The following CD5 variants were observed in gnomAD, a reference collection of about 807,000 sequenced individuals.
CD5 encodes the protein T-cell surface glycoprotein CD5.
In CD5, 36 loss-of-function variants were observed where a neutral mutation model predicts 60.3. The ratio of observed to expected loss-of-function variants is 0.60; its 90% CI spans 0.46 to 0.79. CD5 has a LOEUF of 0.79. Ranked by LOEUF, CD5 falls within the 30% of genes least tolerant of loss-of-function variation. The pLI, the probability that CD5 is intolerant of heterozygous loss-of-function variation, is 0.00. For missense variants in CD5, 540 were observed against 630.6 expected (o/e 0.86, Z 1.54); for synonymous variants, 230 against 257.6 (o/e 0.89, Z 1.03).
chr11:61,125,291 C>T, intron 9 of CD5, 140 bp downstream of exon 9: 1 of 885,002 alleles, frequency 1.1e-6, no homozygotes, highest in South Asian at 1.6e-5. Context: ...TCAAACATCG[C>T]AGGATGCAGC....
chr11:61,095,493 C>A, the CD5 span, among the ~76,000 whole-genome samples: 462 of 152,316 alleles, frequency 3.0e-3, 3 homozygotes, highest in African/African-American at 0.011. Flanking sequence ...GACTCATAAT[C>A]CTACTTGGGC....
chr11:61,116,841 ACAC>A (rs796127825), intron 2 of CD5, among the ~76,000 whole-genome samples: 156 of 137,670 alleles, frequency 1.1e-3, no homozygotes, highest in African/African-American at 3.5e-3. Flanking sequence ...CACAACACAC[ACAC>A]CACCACACAC....
chr11:61,124,318 C>T (rs1482745243), intron 8 of CD5, among the ~76,000 whole-genome samples: 2 of 152,212 alleles, frequency 1.3e-5, no homozygotes, highest in Non-Finnish European at 2.9e-5. Context: ...ATCAACAGAT[C>T]TGGAAAACCA....
chr11:61,106,711 T>C (rs1352860021), intron 1 of CD5, among the ~76,000 whole-genome samples: 1 of 152,202 alleles, frequency 6.6e-6, no homozygotes, highest in Non-Finnish European at 1.5e-5. Context: ...GTCCATGTGC[T>C]GTGTTTGCGT....
At chr11:61,100,321 GACATGGAGATCACACACACACATCA>G (rs1860649889), upstream of CD5, among the ~76,000 whole-genome samples, 1 of 52,550 alleles carries the variant, frequency 1.9e-5, no homozygotes, top group African/African-American at 7.3e-5. Flanking sequence ...ACACACACAC[GACATGGAGATCACACACACACATCA>G]ACATGGAGAT....
At position 61,127,498 on chromosome 11, in the gene CD5, C is replaced by G. The variant is rs1235673115; in HGVS notation, c.*1213C>G. ...TTACTAGGATATGGGGTGGGCTGCT[C>G]CCAGAATCTGCTCAGCTTTCTGCCC... On this transcript the variant is annotated 3_prime_UTR_variant, in exon 11 of 11. Transcript: ENST00000347785. The G allele has an allele frequency of 6.6e-6, 1 of 152,298 alleles. No homozygotes were observed. The highest frequency in any genetic ancestry group is 1.9e-4 in the East Asian group (1 of 5,204). 9.4% of individuals were successfully genotyped at this position (152,298 alleles called of 1,614,324 possible).
chr11:61,119,674 C>G, intron 5 of CD5, 99 bp downstream of exon 5: 1 of 824,308 alleles, frequency 1.2e-6, no homozygotes, highest in Non-Finnish European at 1.9e-6. Context: ...CAGCACAGGG[C>G]ACTATGGAGA....
rs937404445 is a variant in CD5, at chr11:61,119,179, C to A, written c.464-55C>A. On this transcript the variant is annotated intron_variant, in intron 4 of 10. Coordinates refer to ENST00000347785, the MANE Select transcript of CD5 (RefSeq NM_014207.4). ...GTTGGGGCCAAACAGCAAGGAGTGC[C>A]CAGGAAGCCCTCGGCGCTCAGGGTG... is the stretch of plus-strand genomic sequence containing the variant. The A allele has an allele frequency of 7.4e-6, 11 of 1,483,652 alleles. No individual in the cohort carries two copies. The East Asian group carries it at 2.5e-4, about 34-fold the overall frequency. 91.9% of individuals were successfully genotyped at this position (1,483,652 alleles called of 1,614,324 possible). A position where few individuals can be genotyped will look rare whatever the true frequency, so the allele number is the denominator to read the frequency against.
chr11:61,095,880 A>G, the CD5 span, among the ~76,000 whole-genome samples: 1 of 152,258 alleles, frequency 6.6e-6, no homozygotes, highest in Non-Finnish European at 1.5e-5. Flanking sequence ...TCAGCCCATG[A>G]TTAACATGGC....
chr11:61,123,119 C>T, intron 7 of CD5, 87 bp downstream of exon 7: 2 of 1,430,382 alleles, frequency 1.4e-6, no homozygotes, highest in Non-Finnish European at 1.9e-6. Flanking sequence ...GGGGTCATGC[C>T]TCCAGAGAGC....
chr11:61,109,013 C>T (rs907886379), intron 1 of CD5, among the ~76,000 whole-genome samples: 1 of 152,204 alleles, frequency 6.6e-6, no homozygotes, highest in African/African-American at 2.4e-5. Flanking sequence ...GCAGGGGCGG[C>T]AGGACCTAGG....
upstream of CD5, among the ~76,000 whole-genome samples, chr11:61,098,487 C>G (rs1245546290): frequency 6.6e-6 from 1 of 152,212 alleles, no homozygotes; most frequent in Admixed American, 6.5e-5. Context: ...GAAATCTGCT[C>G]GGCACCACAC....
intron 7 of CD5, 78 bp from the exon 8 acceptor site, chr11:61,123,806 G>GGCCC: frequency 1.7e-6 from 1 of 605,000 alleles, no homozygotes; most frequent in South Asian, 1.7e-5. Flanking sequence ...CCCAGGCCCA[G>GGCCC]CCCCATCCCC....
intron 2 of CD5, among the ~76,000 whole-genome samples, chr11:61,116,765 A>C: frequency 1.7e-5 from 2 of 120,288 alleles, no homozygotes; most frequent in Non-Finnish European, 3.4e-5. Context: ...CACACCACAC[A>C]CACCACGCAC....
chr11:61,118,538 C>A lies in CD5; in HGVS notation c.400+58C>A. 1 of 1,540,224 alleles carries A rather than the reference C, an allele frequency of 6.5e-7. No individual in the cohort carries two copies. The highest frequency in any genetic ancestry group is 1.2e-5 in the South Asian group (1 of 84,990). On this transcript the variant is annotated intron_variant, in intron 3 of 10. Transcript: ENST00000347785. The surrounding 1 kb of genome is among the most constrained non-coding windows in gnomAD (Gnocchi z 4.7). The stretch of plus-strand genomic sequence containing the variant: ...GGCCTGGGCGCCAGCCCCGAGGAGA[C>A]TGCCCGAGGCCTGTGATCTAGGGTC...
At chr11:61,095,472 A>G in the CD5 span, among the ~76,000 whole-genome samples, 4 of 152,208 alleles carry the variant, frequency 2.6e-5, no homozygotes, top group Non-Finnish European at 4.4e-5. Context: ...CTTGCTCCAA[A>G]CTATTATACA....
chr11:61,112,145 C>T (rs556723557), intron 1 of CD5, among the ~76,000 whole-genome samples: 1 of 152,336 alleles, frequency 6.6e-6, no homozygotes, highest in South Asian at 2.1e-4. Context: ...TTCAAGCTGC[C>T]TTAGCCCTCG....
At chr11:61,102,373 G>C (rs1277793247), upstream of CD5, 1 of 595,946 alleles carries the variant, frequency 1.7e-6, no homozygotes, top group Non-Finnish European at 3.0e-6. Context: ...AGGTGGTTTT[G>C]CCAGGAGGAA....
At chr11:61,094,205 C>T in the CD5 span, among the ~76,000 whole-genome samples, 1 of 151,922 alleles carries the variant, frequency 6.6e-6, no homozygotes, top group Non-Finnish European at 1.5e-5. Flanking sequence ...AGGCAATTGC[C>T]CCAGTGGAAT....
Sources: gnomAD v4.1 joint callset for allele counts (sites outside exome capture counted in the v4.1 genomes callset) on GRCh38, gnomAD v4.1.1 for gene constraint, Gnocchi (gnomAD v3.1) non-coding constraint, MANE v1.5 for transcripts, NCBI Gene and HGNC (gene_info 2026-07-23, HGNC 2026-07-21) for gene names.